The following SAMD5 variants were observed in gnomAD, a reference collection of about 807,000 sequenced individuals.
SAMD5 encodes sterile alpha motif domain containing 5.
SAMD5 carries 13 observed loss-of-function variants against 11.3 expected under a neutral mutation model. The observed-to-expected ratio is 1.15, with a 90% CI of 0.75 to 1.83. The LOEUF (loss-of-function observed/expected upper bound fraction) is 1.83, where lower values mean the gene tolerates loss of function less well. Among genes scored for constraint, SAMD5 ranks in the 40% most tolerant of loss-of-function variants. The probability of loss-of-function intolerance (pLI) is 0.00; values close to 1 mark genes in which losing one functional copy is unlikely to be tolerated. For synonymous variants in SAMD5, 129 were observed against 111.3 expected, an observed-to-expected ratio of 1.16 and a Z score of -1.00; for missense variants, 255 against 239.1, an observed-to-expected ratio of 1.07 and a Z score of -0.44.
chr6:147,543,776 G>A (rs766260414), intron 1 of SAMD5, among the ~76,000 whole-genome samples: 3 of 152,242 alleles, frequency 2.0e-5, no homozygotes, highest in Non-Finnish European at 2.9e-5. Flanking sequence ...TTAGGGGTTC[G>A]GAATAGGGAA....
intron 1 of SAMD5, among the ~76,000 whole-genome samples, chr6:147,639,284 A>C (rs894126799): frequency 6.6e-6 from 1 of 152,218 alleles, no homozygotes; most frequent in Non-Finnish European, 1.5e-5. Context: ...TGAAGTAGAT[A>C]ATTTTTAAAA....
chr6:147,535,044 G>A (rs1788486222), intron 1 of SAMD5, among the ~76,000 whole-genome samples: 3 of 152,188 alleles, frequency 2.0e-5, no homozygotes, highest in African/African-American at 7.2e-5. Flanking sequence ...CTCTTTCACT[G>A]TCTCAGTTAT....
At chr6:147,951,250 C>T in the SAMD5 span, among the ~76,000 whole-genome samples, 7 of 151,082 alleles carry the variant, frequency 4.6e-5, no homozygotes, top group Non-Finnish European at 7.4e-5. Context: ...GGCGCGATCT[C>T]GGCTCACTGC....
At chr6:147,638,009 A>G (rs1434111279) in intron 1 of SAMD5, among the ~76,000 whole-genome samples, 2 of 152,116 alleles carry the variant, frequency 1.3e-5, no homozygotes, top group South Asian at 2.1e-4. Context: ...TCACATTCCT[A>G]CAGAGACCTG....
the SAMD5 span, among the ~76,000 whole-genome samples, chr6:147,835,241 A>AAC: frequency 2.7e-5 from 4 of 150,634 alleles, no homozygotes; most frequent in Non-Finnish European, 5.9e-5. Context: ...TTAAAAAAAA[A>AAC]AAAAACAAAA....
chr6:147,909,572 CT>C, the SAMD5 span, among the ~76,000 whole-genome samples: 48 of 53,210 alleles, frequency 9.0e-4, no homozygotes, highest in African/African-American at 5.7e-3. Flanking sequence ...TTCTTTCTTT[CT>C]TTCTTTCTTT....
intron 1 of SAMD5, among the ~76,000 whole-genome samples, chr6:147,633,853 T>G (rs749953100): frequency 6.6e-6 from 1 of 152,176 alleles, no homozygotes; most frequent in African/African-American, 2.4e-5. Context: ...ACAATTCACC[T>G]GTTTTAAAGT....
chr6:147,592,371 G>A (rs1229251284), intron 1 of SAMD5, among the ~76,000 whole-genome samples: 12 of 152,212 alleles, frequency 7.9e-5, no homozygotes, highest in South Asian at 6.2e-4. Flanking sequence ...GTCAGTCCAG[G>A]GAAAGAGGTG....
intron 1 of SAMD5, among the ~76,000 whole-genome samples, chr6:147,552,981 A>G (rs1788798172): frequency 6.6e-6 from 1 of 152,266 alleles, no homozygotes; most frequent in Non-Finnish European, 1.5e-5. Context: ...AGATGTGTCT[A>G]AGTATCTATG....
chr6:147,762,533 G>A, the SAMD5 span, among the ~76,000 whole-genome samples: 5 of 152,118 alleles, frequency 3.3e-5, no homozygotes, highest in Admixed American at 2.0e-4. Flanking sequence ...ATGTTGTCAT[G>A]TCTTCTTTAA....
At chr6:147,649,599 C>A (rs1198464545) in intron 1 of SAMD5, among the ~76,000 whole-genome samples, 1 of 152,118 alleles carries the variant, frequency 6.6e-6, no homozygotes, top group Non-Finnish European at 1.5e-5. Context: ...CGAGACCAGC[C>A]TGGCCAACAT....
At chr6:147,795,300 G>A in the SAMD5 span, among the ~76,000 whole-genome samples, 1 of 144,806 alleles carries the variant, frequency 6.9e-6, no homozygotes. Flanking sequence ...CCACCTATGA[G>A]TGAGAATATG....
At chr6:147,587,921 A>G (rs1789398728) in intron 1 of SAMD5, among the ~76,000 whole-genome samples, 2 of 152,178 alleles carry the variant, frequency 1.3e-5, no homozygotes, top group Non-Finnish European at 2.9e-5. Context: ...TTTCTGAAGT[A>G]TGTTCTACAA....
At chr6:147,896,755 A>AACCAAAAAACAAACAAAC in the SAMD5 span, among the ~76,000 whole-genome samples, 4 of 142,424 alleles carry the variant, frequency 2.8e-5, no homozygotes, top group African/African-American at 1.1e-4. Flanking sequence ...AAAAAAAAAA[A>AACCAAAAAACAAACAAAC]AAAAAAAACG....
downstream of SAMD5, among the ~76,000 whole-genome samples, chr6:147,738,705 C>T (rs923302021): frequency 6.6e-6 from 1 of 152,154 alleles, no homozygotes. Context: ...AAGGCTCAAA[C>T]AAGGTAATGC....
At chr6:147,700,773 T>C (rs17077261) in intron 1 of SAMD5, among the ~76,000 whole-genome samples, 14,175 of 152,252 alleles carry the variant, frequency 0.093, 778 homozygotes, top group African/African-American at 0.15. Flanking sequence ...TTTTAAAAAA[T>C]TAGGAAGGAT....
At chr6:147,848,737 T>C in the SAMD5 span, among the ~76,000 whole-genome samples, 1 of 152,282 alleles carries the variant, frequency 6.6e-6, no homozygotes, top group Admixed American at 6.5e-5. Flanking sequence ...TTGCCACACG[T>C]TGTGAGACAT....
At chr6:147,894,126 A>AT in the SAMD5 span, among the ~76,000 whole-genome samples, 4,690 of 124,106 alleles carry the variant, frequency 0.038, 262 homozygotes, top group African/African-American at 0.12. Flanking sequence ...TTTGTTTTGT[A>AT]TTTTTTTTTT....
At chr6:147,878,105 T>C in the SAMD5 span, among the ~76,000 whole-genome samples, 2 of 151,528 alleles carry the variant, frequency 1.3e-5, no homozygotes, top group Admixed American at 6.6e-5. Context: ...TCATAATATA[T>C]ATATATAAAA....
Sources: allele counts gnomAD v4.1 joint callset (sites outside exome capture counted in the v4.1 genomes callset), GRCh38; gene constraint gnomAD v4.1.1; transcripts MANE v1.5; gene names NCBI Gene and HGNC (gene_info 2026-07-23, HGNC 2026-07-21).